The following MEGF8 variants were observed in gnomAD, a reference collection of about 807,000 sequenced individuals.
The protein encoded by MEGF8 is multiple EGF like domains 8.
In MEGF8, 156 loss-of-function variants were observed where a neutral mutation model predicts 302.9. That is an observed-to-expected ratio of 0.52 (90% CI 0.45 to 0.59). The LOEUF is 0.59. Among genes scored for constraint, MEGF8 ranks in the 20% least tolerant of loss-of-function variants. The pLI is 0.00. For missense variants in MEGF8, 3,345 were observed against 3,964.5 expected, an observed-to-expected ratio of 0.84 and a Z score of 4.20; for synonymous variants, 1,621 against 1,660.5, an observed-to-expected ratio of 0.98 and a Z score of 0.58.
rs922357851 is a variant in MEGF8 at position 42,351,198 on chromosome 19, T to C, written c.2737-18T>C. ...GGGCTGAGTGGGGTTCTGACTCCTC[T>C]GCCCAACTGACCCCCAGGACCCCTT... On this transcript the variant is annotated intron_variant, in intron 15 of 41. Coordinates refer to ENST00000251268, the MANE Select transcript of MEGF8 (RefSeq NM_001271938.2). This position sits in a 1 kb window ranked among gnomAD's most constrained non-coding sequence, Gnocchi z 5.6. 10 of 1,549,380 alleles carry C rather than the reference T, an allele frequency of 6.5e-6. No homozygotes were observed. In the African/African-American group the frequency reaches 1.4e-4, roughly 21 times the overall value.
Position 42,351,851 on chromosome 19 carries a change from T to C in MEGF8, c.3101+90T>C. ...TAATGGCCTCTTTGCTTCTCTGCCC[T>C]CTTGCCCATCCCATGGCCACCTTCC... On this transcript the variant is annotated intron_variant, in intron 18 of 41. Coordinates refer to ENST00000251268, the MANE Select transcript of MEGF8 (RefSeq NM_001271938.2). The surrounding 1 kb of genome is among the most constrained non-coding windows in gnomAD (Gnocchi z 5.6). 1 of 1,109,196 alleles carries C rather than the reference T, an allele frequency of 9.0e-7. No individual in the cohort carries two copies. Among genetic ancestry groups the C allele is most frequent in the South Asian group, 1.4e-5 (1 of 71,294 alleles). The allele number at this position is 1,109,196 out of a possible 1,614,324, so 68.7% of individuals were successfully genotyped here.
At chr19:42,372,407 G>A (rs922212421) in intron 41 of MEGF8, among the ~76,000 whole-genome samples, 1 of 152,152 alleles carries the variant, frequency 6.6e-6, no homozygotes, top group African/African-American at 2.4e-5. Flanking sequence ...GCTGGCTGCT[G>A]TGTTCCAGAC....
chr19:42,355,112 A>G (rs2039432316), intron 23 of MEGF8, among the ~76,000 whole-genome samples: 1 of 152,070 alleles, frequency 6.6e-6, no homozygotes, highest in African/African-American at 2.4e-5. Flanking sequence ...GCATGCCACC[A>G]TGCCTGGCTA....
Position 42,336,695 on chromosome 19 carries a change from G to A in MEGF8, c.1245-112G>A. 6.2e-6 allele frequency: 9 copies of A among 1,443,716 alleles called. No homozygotes were observed. The South Asian group carries it at 1.0e-4, about 16-fold the overall frequency. The allele number at this position is 1,443,716 out of a possible 1,614,324, so 89.4% of individuals were successfully genotyped here. A position where few individuals can be genotyped will look rare whatever the true frequency, so the allele number is the denominator to read the frequency against. The stretch of plus-strand genomic sequence containing the variant: ...GAACTTCTAGTTTGGAGGGGACATA[G>A]AGTCAGTCATGGCCAGTCTCATCCC... On this transcript the variant is annotated intron_variant, in intron 6 of 41. Coordinates refer to ENST00000251268, the MANE Select transcript of MEGF8 (RefSeq NM_001271938.2). The surrounding 1 kb of genome is among the most constrained non-coding windows in gnomAD (Gnocchi z 4.8).
chr19:42,326,723 G>A (rs2038988829), intron 1 of MEGF8, among the ~76,000 whole-genome samples: 1 of 149,244 alleles, frequency 6.7e-6, no homozygotes, highest in South Asian at 2.1e-4. Context: ...CTTTGAATTT[G>A]GTTCTACTAC....
At position 42,353,382 on chromosome 19, in the gene MEGF8, G is replaced by A; in HGVS notation, c.3551-83G>A. 2 of 1,463,720 alleles carry A rather than the reference G, an allele frequency of 1.4e-6. No homozygotes were observed. The highest frequency in any genetic ancestry group is 1.3e-5 in the South Asian group (1 of 79,136). The allele number at this position is 1,463,720 out of a possible 1,614,324, so 90.7% of individuals were successfully genotyped here. On this transcript the variant is annotated intron_variant, in intron 20 of 41. Coordinates refer to ENST00000251268, the MANE Select transcript of MEGF8 (RefSeq NM_001271938.2). This position sits in a 1 kb window ranked among gnomAD's most constrained non-coding sequence, Gnocchi z 6.1. ...TCTCACCTTTGAAGCGGCTGGGTGGGGTCAGGGTTTAGCTGAGCCAGTAGG... is the reference window on the plus strand; with the variant it reads ...TCTCACCTTTGAAGCGGCTGGGTGGAGTCAGGGTTTAGCTGAGCCAGTAGG...
At position 42,364,563 on chromosome 19, in the gene MEGF8, G is replaced by A. The variant is rs967547272; in HGVS notation, c.6273+1301G>A. Reference sequence around the variant, plus strand: ...AACCAACAGCACTTCGTGGAAATTCGAGACCAGGAGGGCAGGGTGTGGAGG... The same window carrying A: ...AACCAACAGCACTTCGTGGAAATTCAAGACCAGGAGGGCAGGGTGTGGAGG... On this transcript the variant is annotated intron_variant, in intron 35 of 41. Coordinates refer to ENST00000251268, the MANE Select transcript of MEGF8 (RefSeq NM_001271938.2). 5.9e-5 allele frequency among the ~76,000 whole-genome samples: 9 copies of A among 152,310 alleles called. No individual in the cohort carries two copies. The East Asian group carries it at 7.7e-4, about 13-fold the overall frequency.
At position 42,336,693 on chromosome 19, in the gene MEGF8, T is replaced by C; in HGVS notation, c.1245-114T>C. 6.9e-7 allele frequency: 1 copy of C among 1,439,720 alleles called. No homozygotes were observed. The highest frequency in any genetic ancestry group is 9.3e-7 in the Non-Finnish European group (1 of 1,074,438). 89.2% of individuals were successfully genotyped at this position (1,439,720 alleles called of 1,614,324 possible). A position where few individuals can be genotyped will look rare whatever the true frequency, so the allele number is the denominator to read the frequency against. On this transcript the variant is annotated intron_variant, in intron 6 of 41. Transcript: ENST00000251268. The surrounding 1 kb of genome is among the most constrained non-coding windows in gnomAD (Gnocchi z 4.8). The stretch of plus-strand genomic sequence containing the variant: ...GGGAACTTCTAGTTTGGAGGGGACA[T>C]AGAGTCAGTCATGGCCAGTCTCATC...
intron 2 of MEGF8, 103 bp from the exon 3 acceptor site, chr19:42,333,904 G>A: frequency 1.2e-5 from 18 of 1,512,654 alleles, no homozygotes; most frequent in Admixed American, 1.2e-4. Context: ...GGAAGGAGAT[G>A]AGGCTCTGGG....
chr19:42,343,082 G>A lies in MEGF8; in HGVS notation c.1514-395G>A, dbSNP rs373244078. On this transcript the variant is annotated intron_variant, in intron 8 of 41. Coordinates refer to ENST00000251268, the MANE Select transcript of MEGF8 (RefSeq NM_001271938.2). The stretch of plus-strand genomic sequence containing the variant: ...TGGGAGACTGAGGCAGCCTACTGGG[G>A]GCTCAGCAGATTCTTCAGTCCTCCC... Among the ~76,000 whole-genome samples, 19 of 152,208 alleles carry A rather than the reference G, an allele frequency of 1.2e-4. No individual in the cohort carries two copies. The South Asian group carries it at 3.9e-3, about 32-fold the overall frequency.
At position 42,375,847 on chromosome 19, in the gene MEGF8, C is replaced by G; in HGVS notation, c.7610C>G (p.Pro2537Arg). 1 of 1,609,686 alleles carries G rather than the reference C, an allele frequency of 6.2e-7. No individual in the cohort carries two copies. Among genetic ancestry groups the G allele is most frequent in the Non-Finnish European group, 8.5e-7 (1 of 1,178,576 alleles). The part of the protein sequence containing the change: ...QPPPAPPPPP[P>R]PADGGPRGAG... ...CCCCCAGCCCCACCACCTCCACCAC[C>G]CCCTGCAGATGGTGGGCCCCGGGGG... The change falls in exon 42 of 42, where the codon CCC becomes CGC. Residue 2537 changes from proline to arginine, a missense_variant. Pro to Arg is a moderately radical substitution (Grantham distance 103). Transcript: ENST00000251268. This position sits in a 1 kb window ranked among gnomAD's most constrained non-coding sequence, Gnocchi z 7.1.
At position 42,351,660 on chromosome 19, in the gene MEGF8, G is replaced by A. The variant is rs755602869; in HGVS notation, c.3000G>A (p.Glu1000=). Residue 1000 remains glutamate, a synonymous_variant, in exon 18 of 42, where the codon GAG becomes GAA. Coordinates refer to ENST00000251268, the MANE Select transcript of MEGF8 (RefSeq NM_001271938.2). This position sits in a 1 kb window ranked among gnomAD's most constrained non-coding sequence, Gnocchi z 5.6. ...CRGWDDSVHS[E]PRCRSCDGFL... is the part of the protein sequence containing the mutation. ...TGCCATCCTGCAGTGTACACTCGGAGCCACGGTGCCGGAGCTGCGATGGCT... is the reference window on the plus strand; with the variant it reads ...TGCCATCCTGCAGTGTACACTCGGAACCACGGTGCCGGAGCTGCGATGGCT... 6.3e-7 allele frequency: 1 copy of A among 1,589,970 alleles called. No individual in the cohort carries two copies. The highest frequency in any genetic ancestry group is 8.6e-7 in the Non-Finnish European group (1 of 1,168,944).
At chr19:42,340,077 A>G (rs1391426505) in intron 8 of MEGF8, among the ~76,000 whole-genome samples, 3 of 152,074 alleles carry the variant, frequency 2.0e-5, no homozygotes, top group Non-Finnish European at 1.5e-5. Flanking sequence ...AAAAACAAAA[A>G]CTATTACTTA....
intron 35 of MEGF8, among the ~76,000 whole-genome samples, chr19:42,365,378 G>C (rs768379775): frequency 1.3e-4 from 20 of 152,158 alleles, no homozygotes; most frequent in Admixed American, 3.9e-4. Flanking sequence ...GGAGAGCACA[G>C]CCTGTCCCCA....
rs150676138 is a variant in MEGF8, at chr19:42,358,410, C to T, written c.5175+103C>T. The T allele has an allele frequency of 5.8e-6, 8 of 1,383,262 alleles. No homozygotes were observed. The highest frequency in any genetic ancestry group is 5.4e-5 in the East Asian group (2 of 36,782). The allele number at this position is 1,383,262 out of a possible 1,614,324, so 85.7% of individuals were successfully genotyped here. The stretch of plus-strand genomic sequence containing the variant: ...GCTCCATCCCAGATTCCTGCTTCCC[C>T]TCCTTTCTATGTTCCCTAACTAAGC... On this transcript the variant is annotated intron_variant, in intron 29 of 41. Transcript: ENST00000251268. This position sits in a 1 kb window ranked among gnomAD's most constrained non-coding sequence, Gnocchi z 4.4.
At chr19:42,345,964 G>A (rs2039283449) in intron 12 of MEGF8, among the ~76,000 whole-genome samples, 1 of 152,092 alleles carries the variant, frequency 6.6e-6, no homozygotes, top group Non-Finnish European at 1.5e-5. Flanking sequence ...GCAGTGGCAC[G>A]ATCTTGGCTC....
At position 42,357,010 on chromosome 19, in the gene MEGF8, A is replaced by G. The variant is rs1036976961; in HGVS notation, c.4830+29A>G. 5 of 1,545,620 alleles carry G rather than the reference A, an allele frequency of 3.2e-6. No individual in the cohort carries two copies. The African/African-American group carries it at 6.8e-5, about 21-fold the overall frequency. ...AGCATCTCTCCCCAGCCCACTCCCC[A>G]GCCCTCACACTGGGCCCTGACAGAG... On this transcript the variant is annotated intron_variant, in intron 27 of 41. Coordinates refer to ENST00000251268, the MANE Select transcript of MEGF8 (RefSeq NM_001271938.2). The surrounding 1 kb of genome is among the most constrained non-coding windows in gnomAD (Gnocchi z 5.2).
At chr19:42,349,727 C>T (rs1391042762) in intron 14 of MEGF8, 28 bp downstream of exon 14, 5 of 1,598,478 alleles carry the variant, frequency 3.1e-6, no homozygotes, top group Non-Finnish European at 4.3e-6. Context: ...ACCTCCAACC[C>T]TAGCCGCAGG....
chr19:42,349,361 G>A, intron 13 of MEGF8, 138 bp from the exon 14 acceptor site: 1 of 688,166 alleles, frequency 1.5e-6, no homozygotes, highest in South Asian at 2.2e-5. Flanking sequence ...CACCTCTGAG[G>A]TTCTCAGGAT....
Sources: gnomAD v4.1 joint callset for allele counts (sites outside exome capture counted in the v4.1 genomes callset) on GRCh38, gnomAD v4.1.1 for gene constraint, Gnocchi (gnomAD v3.1) non-coding constraint, MANE v1.5 for transcripts, NCBI Gene and HGNC (gene_info 2026-07-23, HGNC 2026-07-21) for gene names.